CRY1: variants seen among roughly 807,000 people sequenced by gnomAD.
CRY1 encodes cryptochrome-1.
A neutral mutation model predicts 76.0 loss-of-function variants in CRY1; 45 were observed. The ratio of observed to expected loss-of-function variants is 0.59; its 90% CI spans 0.47 to 0.76. The LOEUF is 0.76. Ranked by LOEUF, CRY1 falls within the 30% of genes least tolerant of loss-of-function variation. The probability of loss-of-function intolerance (pLI) is 0.00; values close to 1 mark genes in which losing one functional copy is unlikely to be tolerated. For synonymous variants in CRY1, 248 were observed against 244.0 expected (o/e 1.02, Z -0.15); for missense variants, 587 against 716.4 (o/e 0.82, Z 2.06).
intron 1 of CRY1, among the ~76,000 whole-genome samples, chr12:107,034,312 G>C (rs545781773): frequency 6.6e-6 from 1 of 152,136 alleles, no homozygotes; most frequent in East Asian, 1.9e-4. Flanking sequence ...AAAAAGAGGA[G>C]AAATCTTCAC....
chr12:106,999,461 GA>G, intron 7 of CRY1, 89 bp downstream of exon 7: 2 of 1,227,908 alleles, frequency 1.6e-6, no homozygotes, highest in Non-Finnish European at 2.3e-6. Flanking sequence ...CACCATAAAT[GA>G]ATCTATAAAC....
rs186842215 is a variant in CRY1 at position 107,079,961 on chromosome 12, G to C, written c.158+12843C>G. On this transcript the variant is annotated intron_variant, in intron 1 of 12. Coordinates refer to ENST00000008527, the MANE Select transcript of CRY1 (RefSeq NM_004075.5). Reference sequence around the variant, plus strand: ...GCGAATGAATTAGAGAAGGGCAAGGGGGACAATGATTTGTAAGCTACCCAA... The same window carrying C: ...GCGAATGAATTAGAGAAGGGCAAGGCGGACAATGATTTGTAAGCTACCCAA... 2.0e-3 allele frequency among the ~76,000 whole-genome samples: 300 copies of C among 152,200 alleles called. 6 individuals are homozygous for C. The highest frequency in any genetic ancestry group is 0.02 in the Admixed American group (299 of 15,280).
intron 1 of CRY1, among the ~76,000 whole-genome samples, chr12:107,038,985 G>A (rs1217104632): frequency 2.0e-5 from 3 of 152,080 alleles, no homozygotes; most frequent in African/African-American, 4.8e-5. Flanking sequence ...AGTGCTGGGC[G>A]TGGTGGTGCA....
At chr12:107,072,553 G>A (rs1204265303) in intron 1 of CRY1, among the ~76,000 whole-genome samples, 1 of 152,150 alleles carries the variant, frequency 6.6e-6, no homozygotes, top group East Asian at 1.9e-4. Context: ...TATTTATACT[G>A]TTGGGGGCAT....
chr12:107,034,810 GA>G (rs1225425671), intron 1 of CRY1, among the ~76,000 whole-genome samples: 1 of 152,016 alleles, frequency 6.6e-6, no homozygotes, highest in African/African-American at 2.4e-5. Context: ...TATCGATACA[GA>G]AAAAAATAAA....
intron 1 of CRY1, among the ~76,000 whole-genome samples, chr12:107,022,844 CT>C (rs1952573458): frequency 7.3e-6 from 1 of 136,204 alleles, no homozygotes; most frequent in African/African-American, 3.0e-5. Flanking sequence ...AGATTAACTT[CT>C]AAAAAAAAAA....
chr12:107,080,542 A>G (rs1402643678), intron 1 of CRY1, among the ~76,000 whole-genome samples: 1 of 152,070 alleles, frequency 6.6e-6, no homozygotes, highest in Non-Finnish European at 1.5e-5. Context: ...ACAGAAAAGG[A>G]GAAGCTAAGG....
chr12:106,993,150 T>C, intron 10 of CRY1, 114 bp from the exon 11 acceptor site: 1 of 934,116 alleles, frequency 1.1e-6, no homozygotes, highest in Non-Finnish European at 1.6e-6. Context: ...TTATATGCTT[T>C]TAAGACTAAA....
At chr12:107,018,412 C>G (rs764560331) in intron 2 of CRY1, among the ~76,000 whole-genome samples, 2 of 152,060 alleles carry the variant, frequency 1.3e-5, no homozygotes, top group African/African-American at 2.4e-5. Context: ...ATTGGCGAAA[C>G]CCTTTCTCTG....
chr12:107,020,501 A>G (rs561545788), intron 2 of CRY1, among the ~76,000 whole-genome samples: 6 of 151,122 alleles, frequency 4.0e-5, no homozygotes, highest in Admixed American at 3.3e-4. Flanking sequence ...GTGCTCTGAT[A>G]GTGAGTGAGT....
At chr12:107,032,290 T>C (rs1257051955) in intron 1 of CRY1, among the ~76,000 whole-genome samples, 1 of 152,150 alleles carries the variant, frequency 6.6e-6, no homozygotes, top group Non-Finnish European at 1.5e-5. Flanking sequence ...ATGTTAATAT[T>C]ACAGGAAACA....
chr12:107,012,355 T>C (rs1952453951), intron 2 of CRY1, among the ~76,000 whole-genome samples: 1 of 152,198 alleles, frequency 6.6e-6, no homozygotes, highest in African/African-American at 2.4e-5. Context: ...AAATCTACTC[T>C]GCCTGTGCAG....
In CRY1 at chr12:106,999,794, TG is replaced by T. The variant is rs752369516; in HGVS notation, c.893del (p.Thr298LysfsTer30). On this transcript the variant is annotated frameshift_variant, in exon 7 of 13. Transcript: ENST00000008527. LOFTEE classifies it high-confidence loss of function. ...GQLLWREFFY[T>X]AATNNPRFDK... is the part of the protein sequence containing the mutation. ...CAAAGCGTGGATTATTTGTTGCTGC[TG>T]TATAGAAAAATTCACGCCATAACAG... The T allele has an allele frequency of 6.2e-7, 1 of 1,614,218 alleles. No individual in the cohort carries two copies. The highest frequency in any genetic ancestry group is 8.5e-7 in the Non-Finnish European group (1 of 1,180,030).
At chr12:107,028,474 CT>C (rs1952639928) in intron 1 of CRY1, among the ~76,000 whole-genome samples, 2 of 152,112 alleles carry the variant, frequency 1.3e-5, no homozygotes, top group Admixed American at 6.5e-5. Flanking sequence ...ACCTATATCA[CT>C]TTTTATAACT....
intron 4 of CRY1, 103 bp downstream of exon 4, chr12:107,001,661 C>T: frequency 9.4e-7 from 1 of 1,063,912 alleles, no homozygotes. Flanking sequence ...TCTTTCTCTC[C>T]TAATGCAAAA....
At chr12:107,046,274 CAG>C (rs1565835594) in intron 1 of CRY1, among the ~76,000 whole-genome samples, 2 of 143,556 alleles carry the variant, frequency 1.4e-5, no homozygotes, top group African/African-American at 5.2e-5. Flanking sequence ...GGCTGGGTGA[CAG>C]AGTGAGACTT....
intron 1 of CRY1, among the ~76,000 whole-genome samples, chr12:107,024,488 C>T (rs529845676): frequency 6.6e-6 from 1 of 152,128 alleles, no homozygotes; most frequent in Non-Finnish European, 1.5e-5. Flanking sequence ...TGACTTCTCC[C>T]ACCTAAGCCT....
Position 106,999,073 on chromosome 12 carries a change from G to A in CRY1, c.1137+478C>T, listed in dbSNP as rs191019677. Among the ~76,000 whole-genome samples, 688 of 147,954 alleles carry A rather than the reference G, an allele frequency of 4.7e-3. 5 individuals are homozygous for A. The highest frequency in any genetic ancestry group is 0.016 in the African/African-American group (650 of 40,220). The stretch of plus-strand genomic sequence containing the variant: ...AAAAAAAAAAAAAAAAAGTACCTAA[G>A]TCTTATTACGTGTAATCCACAAGAT... On this transcript the variant is annotated intron_variant, in intron 7 of 12. Coordinates refer to ENST00000008527, the MANE Select transcript of CRY1 (RefSeq NM_004075.5).
At chr12:107,014,647 A>G (rs1182123570) in intron 2 of CRY1, among the ~76,000 whole-genome samples, 2 of 151,250 alleles carry the variant, frequency 1.3e-5, no homozygotes, top group South Asian at 4.2e-4. Context: ...TTAGTTCTTG[A>G]TTTTTCCTTT....
Sources: gnomAD v4.1 joint callset for allele counts (sites outside exome capture counted in the v4.1 genomes callset) on GRCh38, gnomAD v4.1.1 for gene constraint, MANE v1.5 for transcripts, NCBI Gene and HGNC (gene_info 2026-07-23, HGNC 2026-07-21) for gene names.